The following KIF5C variants were observed in gnomAD, a reference collection of about 807,000 sequenced individuals.
The protein encoded by KIF5C is kinesin family member 5C.
In KIF5C, 18 loss-of-function variants were observed where a neutral mutation model predicts 125.2. That is an observed-to-expected ratio of 0.14 (90% CI 0.10 to 0.21). The LOEUF (loss-of-function observed/expected upper bound fraction) is 0.21, where lower values mean the gene tolerates loss of function less well. Among genes scored for constraint, KIF5C ranks in the 10% least tolerant of loss-of-function variants. KIF5C has a pLI of 1.00. For synonymous variants in KIF5C, 405 were observed against 434.0 expected (o/e 0.93, Z 0.83); for missense variants, 780 against 1,183.8 (o/e 0.66, Z 5.01).
At chr2:148,918,602 T>A (rs1681654802) in intron 1 of KIF5C, among the ~76,000 whole-genome samples, 1 of 152,104 alleles carries the variant, frequency 6.6e-6, no homozygotes, top group Admixed American at 6.5e-5. Flanking sequence ...AGTGAGATAA[T>A]TCTAAGGGAA....
intron 11 of KIF5C, among the ~76,000 whole-genome samples, chr2:148,971,182 G>A (rs1251090492): frequency 2.0e-5 from 3 of 152,028 alleles, no homozygotes; most frequent in Non-Finnish European, 4.4e-5. Context: ...GGTGAAGGAG[G>A]ACTTTCAAGT....
chr2:148,962,214 G>A, intron 11 of KIF5C, 95 bp downstream of exon 11: 1 of 1,457,580 alleles, frequency 6.9e-7, no homozygotes, highest in African/African-American at 1.4e-5. Flanking sequence ...CACTCAGGCT[G>A]GAGTGCAGTG....
chr2:148,938,482 C>T (rs1457256880), intron 4 of KIF5C, among the ~76,000 whole-genome samples: 1 of 152,148 alleles, frequency 6.6e-6, no homozygotes, highest in Non-Finnish European at 1.5e-5. Flanking sequence ...TGTTCTGGAG[C>T]ATCTTTCTCT....
chr2:148,875,791 G>T, intron 1 of KIF5C, 48 bp downstream of exon 1: 1 of 1,567,624 alleles, frequency 6.4e-7, no homozygotes, highest in South Asian at 1.2e-5. Context: ...CGCCGCAGCT[G>T]GGCGCCCCGA....
intron 21 of KIF5C, among the ~76,000 whole-genome samples, chr2:149,004,777 G>A (rs1681956141): frequency 6.6e-6 from 1 of 152,122 alleles, no homozygotes; most frequent in Non-Finnish European, 1.5e-5. Context: ...CAATGATAAG[G>A]CAACCACTGT....
At chr2:148,939,706 A>T (rs1682365374) in intron 4 of KIF5C, among the ~76,000 whole-genome samples, 1 of 152,210 alleles carries the variant, frequency 6.6e-6, no homozygotes, top group African/African-American at 2.4e-5. Context: ...TTAGTTGCTG[A>T]CTACTTTGTA....
intron 23 of KIF5C, among the ~76,000 whole-genome samples, chr2:149,009,499 TGTG>T (rs150533417): frequency 0.011 from 1,669 of 152,200 alleles, 25 homozygotes; most frequent in Middle Eastern, 0.065. Context: ...ACTTGAGACT[TGTG>T]GTGGTCAAAT....
chr2:149,026,108 G>T lies in KIF5C; in HGVS notation c.*3038G>T, dbSNP rs937833137. On this transcript the variant is annotated 3_prime_UTR_variant, in exon 26 of 26. Coordinates refer to ENST00000435030, the MANE Select transcript of KIF5C (RefSeq NM_004522.3). ...AAAGTTCTTAACAATCCCCTCTTTCGAAGTGCATTTTTTTAAAGCAGGGCA... is the reference window on the plus strand; with the variant it reads ...AAAGTTCTTAACAATCCCCTCTTTCTAAGTGCATTTTTTTAAAGCAGGGCA... 3.3e-5 allele frequency: 5 copies of T among 152,480 alleles called. No homozygotes were observed. The highest frequency in any genetic ancestry group is 1.2e-4 in the African/African-American group (5 of 41,372). 9.4% of individuals were successfully genotyped at this position (152,480 alleles called of 1,614,324 possible).
In KIF5C at chr2:148,974,148, A is replaced by G. The variant is rs537071057; in HGVS notation, c.1293+637A>G. On this transcript the variant is annotated intron_variant, in intron 12 of 25. Coordinates refer to ENST00000435030, the MANE Select transcript of KIF5C (RefSeq NM_004522.3). The stretch of plus-strand genomic sequence containing the variant: ...TAGAGGAAAAGAGGCCTTGGAGAAC[A>G]CTGGGAGAATCAATTAAAGGTTGGG... Among the ~76,000 whole-genome samples, 8 of 152,346 alleles carry G rather than the reference A, an allele frequency of 5.3e-5. No homozygotes were observed. In the South Asian group the frequency reaches 1.7e-3, roughly 32 times the overall value.
intron 4 of KIF5C, among the ~76,000 whole-genome samples, chr2:148,939,174 C>T (rs1201053573): frequency 6.6e-6 from 1 of 151,810 alleles, no homozygotes; most frequent in Non-Finnish European, 1.5e-5. Context: ...AGAATAGACC[C>T]TAGGTCTGAC....
intron 12 of KIF5C, among the ~76,000 whole-genome samples, chr2:148,974,753 T>G (rs943488484): frequency 6.6e-6 from 1 of 152,242 alleles, no homozygotes; most frequent in African/African-American, 2.4e-5. Context: ...TTAGACCATA[T>G]GCATTTTTTT....
intron 21 of KIF5C, among the ~76,000 whole-genome samples, chr2:149,003,447 G>A (rs988249834): frequency 3.3e-5 from 5 of 152,234 alleles, no homozygotes; most frequent in East Asian, 1.9e-4. Context: ...GCTTTGGGGC[G>A]GGAGCCCTCC....
intron 1 of KIF5C, among the ~76,000 whole-genome samples, chr2:148,893,170 T>G (rs1681754403): frequency 6.6e-6 from 1 of 152,230 alleles, no homozygotes; most frequent in South Asian, 2.1e-4. Flanking sequence ...CTGAAGACCT[T>G]GACTGGCTCT....
At chr2:148,917,538 A>T (rs1681608534) in intron 1 of KIF5C, among the ~76,000 whole-genome samples, 1 of 152,216 alleles carries the variant, frequency 6.6e-6, no homozygotes, top group East Asian at 1.9e-4. Context: ...AATGGGCTAG[A>T]GTATAAAAGG....
intron 25 of KIF5C, among the ~76,000 whole-genome samples, chr2:149,021,205 C>G (rs1411194065): frequency 6.6e-6 from 1 of 152,008 alleles, no homozygotes; most frequent in Non-Finnish European, 1.5e-5. Context: ...TGGGACTACA[C>G]ATACAAGCCA....
chr2:148,980,679 T>C (rs879480825), intron 13 of KIF5C, among the ~76,000 whole-genome samples: 40 of 50,546 alleles, frequency 7.9e-4, no homozygotes, highest in Admixed American at 1.3e-3. Flanking sequence ...CCTTTGCTTA[T>C]TTATTTATTT....
At chr2:148,970,490 C>T (rs1044164938) in intron 11 of KIF5C, among the ~76,000 whole-genome samples, 1 of 152,204 alleles carries the variant, frequency 6.6e-6, no homozygotes, top group African/African-American at 2.4e-5. Context: ...AGAGGGTAAG[C>T]AGGAGATGGG....
At chr2:149,006,595 T>G (rs1000516179) in intron 22 of KIF5C, among the ~76,000 whole-genome samples, 1 of 152,130 alleles carries the variant, frequency 6.6e-6, no homozygotes, top group East Asian at 1.9e-4. Flanking sequence ...GGTGTTGGTG[T>G]TGAGTTAGAA....
intron 21 of KIF5C, among the ~76,000 whole-genome samples, chr2:149,004,803 A>T (rs983746128): frequency 6.6e-6 from 1 of 152,160 alleles, no homozygotes; most frequent in South Asian, 2.1e-4. Context: ...TTCTCATGTT[A>T]CCAATAAGAA....
Sources: gnomAD v4.1 joint callset for allele counts (sites outside exome capture counted in the v4.1 genomes callset) on GRCh38, gnomAD v4.1.1 for gene constraint, MANE v1.5 for transcripts, NCBI Gene and HGNC (gene_info 2026-07-23, HGNC 2026-07-21) for gene names.